Variants in TECRL observed in about 807,000 individuals in gnomAD.
TECRL encodes trans-2,3-enoyl-CoA reductase-like.
A neutral mutation model predicts 52.8 loss-of-function variants in TECRL; 63 were observed. The ratio of observed to expected loss-of-function variants is 1.19; its 90% CI spans 0.97 to 1.47. The LOEUF (loss-of-function observed/expected upper bound fraction) is 1.47. TECRL is among the 40% of genes most tolerant of loss of function. The pLI, the probability that TECRL is intolerant of heterozygous loss-of-function variation, is 0.00. For missense variants in TECRL, 482 were observed against 429.6 expected (o/e 1.12, Z -1.08); for synonymous variants, 164 against 141.9 (o/e 1.16, Z -1.10).
At chr4:64,387,414 TGA>T (rs1377623124) in intron 1 of TECRL, among the ~76,000 whole-genome samples, 5 of 152,122 alleles carry the variant, frequency 3.3e-5, no homozygotes, top group Non-Finnish European at 5.9e-5. Context: ...TCAGCTCATT[TGA>T]GTAGATACCA....
chr4:64,307,731 T>C (rs995120445), intron 6 of TECRL, among the ~76,000 whole-genome samples: 2 of 152,162 alleles, frequency 1.3e-5, no homozygotes, highest in Non-Finnish European at 2.9e-5. Context: ...CCCATGTATA[T>C]AAAGTGTTCT....
chr4:64,351,042 A>G, intron 2 of TECRL, among the ~76,000 whole-genome samples: 1 of 31,294 alleles, frequency 3.2e-5, no homozygotes, highest in Non-Finnish European at 1.1e-4. Context: ...AAAGCCAGAC[A>G]CAGAGGATGA....
rs186376041 is a variant in TECRL at position 64,288,181 on chromosome 4, G to T, written c.832+1529C>A. On this transcript the variant is annotated intron_variant, in intron 9 of 11. Transcript: ENST00000381210. ...AAAAAAAAGAAAAGAAATACAAAAT[G>T]GGTCATGAAGCAGTGGAGACAACTC... Among the ~76,000 whole-genome samples, 18 of 151,900 alleles carry T rather than the reference G, an allele frequency of 1.2e-4. No individual in the cohort carries two copies. In the East Asian group the frequency reaches 3.5e-3, roughly 29 times the overall value.
intron 1 of TECRL, among the ~76,000 whole-genome samples, chr4:64,399,897 C>T (rs1257885369): frequency 3.9e-5 from 6 of 152,142 alleles, no homozygotes; most frequent in Non-Finnish European, 1.5e-5. Flanking sequence ...ACTACTAGGG[C>T]CGTGCAGAGT....
At chr4:64,335,176 T>C (rs1252996269) in intron 2 of TECRL, among the ~76,000 whole-genome samples, 2 of 152,198 alleles carry the variant, frequency 1.3e-5, no homozygotes, top group Non-Finnish European at 2.9e-5. Flanking sequence ...TGGTGAGTGG[T>C]GGGCATGTGA....
chr4:64,330,736 C>T (rs934805831), intron 2 of TECRL, among the ~76,000 whole-genome samples: 2 of 151,932 alleles, frequency 1.3e-5, no homozygotes, highest in Non-Finnish European at 2.9e-5. Context: ...GCTGATCCTC[C>T]CCCCAAATAA....
chr4:64,336,621 T>C (rs939786940), intron 2 of TECRL, among the ~76,000 whole-genome samples: 2 of 152,218 alleles, frequency 1.3e-5, no homozygotes, highest in African/African-American at 4.8e-5. Flanking sequence ...TTTAGAACTT[T>C]CCCGCTTTCT....
rs371504855 is a variant in TECRL at position 64,289,723 on chromosome 4, A to G, written c.819T>C (p.His273=). 6.5e-7 allele frequency: 1 copy of G among 1,546,548 alleles called. No individual in the cohort carries two copies. Among genetic ancestry groups the G allele is most frequent in the Non-Finnish European group, 8.6e-7 (1 of 1,156,652 alleles). Residue 273 remains histidine (H), a synonymous_variant, in exon 9 of 12, where the codon CAT becomes CAC. Transcript: ENST00000381210. ...GNHFINVMLS[H]PNHTGNNACF... ...AAAAGAACTAACCTGTGTGATTGGG[A>G]TGAGACAACATTACATTGATGAAAT...
At chr4:64,408,342 A>G (rs1724869479) in intron 1 of TECRL, among the ~76,000 whole-genome samples, 1 of 151,952 alleles carries the variant, frequency 6.6e-6, no homozygotes, top group South Asian at 2.1e-4. Flanking sequence ...ACCTGTACAA[A>G]TATGCCTTTC....
chr4:64,377,913 T>C (rs1722514023), intron 1 of TECRL, among the ~76,000 whole-genome samples: 1 of 152,062 alleles, frequency 6.6e-6, no homozygotes, highest in South Asian at 2.1e-4. Flanking sequence ...CTCATCCTGA[T>C]TACAGCAATA....
intron 2 of TECRL, among the ~76,000 whole-genome samples, chr4:64,344,806 G>A (rs926925127): frequency 6.6e-6 from 1 of 152,004 alleles, no homozygotes; most frequent in Non-Finnish European, 1.5e-5. Flanking sequence ...CTTGTTTTTT[G>A]TTTGTTTGTC....
intron 8 of TECRL, among the ~76,000 whole-genome samples, chr4:64,294,883 A>C (rs1350966796): frequency 6.6e-6 from 1 of 152,078 alleles, no homozygotes; most frequent in Non-Finnish European, 1.5e-5. Context: ...GAAATTTATT[A>C]ACTATTCTGA....
At chr4:64,329,165 G>T (rs1718459341) in intron 2 of TECRL, among the ~76,000 whole-genome samples, 1 of 151,726 alleles carries the variant, frequency 6.6e-6, no homozygotes, top group African/African-American at 2.4e-5. Context: ...ATTATACACT[G>T]CCATAATGAA....
chr4:64,363,486 C>T (rs1452705215), intron 2 of TECRL, among the ~76,000 whole-genome samples: 1 of 152,108 alleles, frequency 6.6e-6, no homozygotes, highest in Non-Finnish European at 1.5e-5. Context: ...GAGACAGGGT[C>T]ATTTATAACC....
chr4:64,359,655 C>A (rs1721038611), intron 2 of TECRL, among the ~76,000 whole-genome samples: 1 of 151,978 alleles, frequency 6.6e-6, no homozygotes, highest in South Asian at 2.1e-4. Flanking sequence ...CATAGAATCA[C>A]ATTTCATGCA....
At chr4:64,397,180 A>ACCT (rs1724592119) in intron 1 of TECRL, among the ~76,000 whole-genome samples, 1 of 152,092 alleles carries the variant, frequency 6.6e-6, no homozygotes, top group Admixed American at 6.6e-5. Context: ...CTATGTAGGG[A>ACCT]GATTGCCTTC....
chr4:64,321,562 T>C (rs1717903699), intron 4 of TECRL, among the ~76,000 whole-genome samples: 1 of 152,138 alleles, frequency 6.6e-6, no homozygotes, highest in Non-Finnish European at 1.5e-5. Flanking sequence ...ATCAAAACTG[T>C]TTATTAATTT....
chr4:64,325,812 C>T (rs1718224393), intron 3 of TECRL, among the ~76,000 whole-genome samples: 1 of 152,048 alleles, frequency 6.6e-6, no homozygotes, highest in Non-Finnish European at 1.5e-5. Context: ...AAGAACAGAT[C>T]ATTGGCATTC....
chr4:64,289,374 T>C (rs1723250804), intron 9 of TECRL, among the ~76,000 whole-genome samples: 1 of 152,162 alleles, frequency 6.6e-6, no homozygotes. Context: ...GGGATCAATA[T>C]TGAGAGTTTA....
Sources: allele counts gnomAD v4.1 joint callset (sites outside exome capture counted in the v4.1 genomes callset), GRCh38; gene constraint gnomAD v4.1.1; transcripts MANE v1.5; gene names NCBI Gene and HGNC (gene_info 2026-07-23, HGNC 2026-07-21).